The following DTNA variants were observed in gnomAD, a reference collection of about 807,000 sequenced individuals.
The protein encoded by DTNA is dystrobrevin alpha, also known as dystrophin-related protein 3.
In DTNA, 43 loss-of-function variants were observed where a neutral mutation model predicts 100.7. The ratio of observed to expected loss-of-function variants is 0.43; its 90% confidence interval spans 0.33 to 0.55. The LOEUF (loss-of-function observed/expected upper bound fraction) is 0.55. Ranked by LOEUF, DTNA falls within the 20% of genes least tolerant of loss-of-function variation. DTNA has a pLI of 0.04. For synonymous variants in DTNA, 349 were observed against 347.9 expected (o/e 1.00, Z -0.04); for missense variants, 798 against 953.9 (o/e 0.84, Z 2.15).
chr18:34,556,771 T>C (rs2046104324), intron 1 of DTNA, among the ~76,000 whole-genome samples: 1 of 151,906 alleles, frequency 6.6e-6, no homozygotes, highest in Non-Finnish European at 1.5e-5. Flanking sequence ...CCTTTGAGGG[T>C]AACCCAACCT....
chr18:34,849,026 A>G (rs543273001), intron 14 of DTNA, among the ~76,000 whole-genome samples: 78 of 152,322 alleles, frequency 5.1e-4, no homozygotes, highest in Admixed American at 1.4e-3. Flanking sequence ...TGGGAGCTGC[A>G]TAATGACCGA....
At chr18:34,519,229 C>T (rs1241006164) in intron 1 of DTNA, among the ~76,000 whole-genome samples, 1 of 152,088 alleles carries the variant, frequency 6.6e-6, no homozygotes, top group Non-Finnish European at 1.5e-5. Context: ...GAAGCTAAAG[C>T]TTGTGGGAGA....
chr18:34,678,364 C>T (rs182455269), intron 1 of DTNA, among the ~76,000 whole-genome samples: 15 of 152,166 alleles, frequency 9.9e-5, no homozygotes, highest in African/African-American at 3.6e-4. Context: ...TTTAGATAAC[C>T]TGGGTTGGGA....
At chr18:34,713,143 G>C (rs927173054) in intron 1 of DTNA, among the ~76,000 whole-genome samples, 123 of 152,012 alleles carry the variant, frequency 8.1e-4, no homozygotes, top group African/African-American at 2.7e-3. Context: ...GAAAGTAATG[G>C]TACCATGATC....
chr18:34,879,893 AT>A (rs2096855385), intron 20 of DTNA, among the ~76,000 whole-genome samples, 174 bp downstream of exon 20: 1 of 152,132 alleles, frequency 6.6e-6, no homozygotes, highest in Non-Finnish European at 1.5e-5. Flanking sequence ...GCATTGTAAT[AT>A]TTCCCCTCTT....
rs71166022 is a variant in DTNA at position 34,722,606 on chromosome 18, TACACACAC to T, written c.-2+12179_-2+12186del. ...ATAGGTTTTGACATATATATATACATACACACACACACACACACACACACATATCCTAA... is the reference window on the plus strand; with the variant it reads ...ATAGGTTTTGACATATATATATACATACACACACACACACACATATCCTAA... On this transcript the variant is annotated intron_variant, in intron 1 of 22. Transcript: ENST00000444659. Among the ~76,000 whole-genome samples, 966 of 147,218 alleles carry T rather than the reference TACACACAC, an allele frequency of 6.6e-3. 5 individuals carry two copies. The highest frequency in any genetic ancestry group is 0.028 in the Middle Eastern group (8 of 286).
rs1374272523 is a variant in DTNA at position 34,890,207 on chromosome 18, G to A, written c.*2473G>A. 2.1e-6 allele frequency: 3 copies of A among 1,460,098 alleles called. No homozygotes were observed. The African/African-American group carries it at 4.3e-5, about 21-fold the overall frequency. 90.4% of individuals were successfully genotyped at this position (1,460,098 alleles called of 1,614,324 possible). On this transcript the variant is annotated 3_prime_UTR_variant, in exon 23 of 23. Coordinates refer to ENST00000444659, the MANE Select transcript of DTNA (RefSeq NM_001386795.1). ...TGCCAACCAACTCCATCACATGGTT[G>A]TTGATATCGTCATATAAAGCCATTG...
intron 17 of DTNA, chr18:34,866,595 A>C: frequency 9.9e-7 from 1 of 1,011,980 alleles, no homozygotes; most frequent in South Asian, 4.0e-5. Flanking sequence ...CATTTTACTG[A>C]AAACCTGTGA....
rs374488566 is a variant in DTNA, at chr18:34,801,784, C to T, written c.363-4435C>T. Among the ~76,000 whole-genome samples, 8 of 152,276 alleles carry T rather than the reference C, an allele frequency of 5.3e-5. No homozygotes were observed. The East Asian group carries it at 1.2e-3, about 22-fold the overall frequency. ...TCAGTCTCCCAAAGTGCTGGAATTA[C>T]AGGCGTGAGCCATCACCCCTGGCCA... On this transcript the variant is annotated intron_variant, in intron 4 of 22. Coordinates refer to ENST00000444659, the MANE Select transcript of DTNA (RefSeq NM_001386795.1).
intron 1 of DTNA, among the ~76,000 whole-genome samples, chr18:34,624,665 A>C (rs2057055930): frequency 6.6e-6 from 1 of 152,250 alleles, no homozygotes; most frequent in South Asian, 2.1e-4. Flanking sequence ...AGTGCTGTTA[A>C]ATTCTTTTTA....
At chr18:34,781,646 A>T (rs1181498949) in intron 3 of DTNA, among the ~76,000 whole-genome samples, 1 of 152,098 alleles carries the variant, frequency 6.6e-6, no homozygotes, top group Non-Finnish European at 1.5e-5. Flanking sequence ...CTATTTCCCA[A>T]GCAATTTTCT....
intron 1 of DTNA, among the ~76,000 whole-genome samples, chr18:34,656,950 C>T (rs1008504146): frequency 2.0e-5 from 3 of 152,102 alleles, no homozygotes; most frequent in African/African-American, 7.2e-5. Context: ...GATCTCGGCT[C>T]ACTGCAACCT....
chr18:34,887,643 G>A, intron 22 of DTNA, 123 bp from the exon 23 acceptor site: 1 of 482,338 alleles, frequency 2.1e-6, no homozygotes, highest in Non-Finnish European at 2.7e-6. Context: ...GTGTGTGCAT[G>A]TGTGTGTGTG....
intron 1 of DTNA, among the ~76,000 whole-genome samples, chr18:34,542,210 C>A (rs898220856): frequency 1.3e-5 from 2 of 151,984 alleles, no homozygotes; most frequent in Non-Finnish European, 2.9e-5. Flanking sequence ...TAAGTGTCTA[C>A]TAAATTTAGA....
At chr18:34,579,410 T>G (rs1362330626) in intron 1 of DTNA, among the ~76,000 whole-genome samples, 1 of 152,224 alleles carries the variant, frequency 6.6e-6, no homozygotes, top group Non-Finnish European at 1.5e-5. Flanking sequence ...TTTTCAGTTC[T>G]CCTTGTAGAT....
chr18:34,511,923 G>A (rs1412302162), intron 1 of DTNA, among the ~76,000 whole-genome samples: 2 of 152,002 alleles, frequency 1.3e-5, no homozygotes, highest in Non-Finnish European at 2.9e-5. Flanking sequence ...AAATTGGCTT[G>A]AGCTTCCACT....
At chr18:34,645,554 T>C (rs1309890604) in intron 1 of DTNA, among the ~76,000 whole-genome samples, 1 of 151,994 alleles carries the variant, frequency 6.6e-6, no homozygotes, top group Non-Finnish European at 1.5e-5. Context: ...TATGTATAAA[T>C]CCATATAGAA....
chr18:34,820,104 G>A lies in DTNA; in HGVS notation c.877-687G>A, dbSNP rs559249827. ...GGATAAATTTCCCAACAATCTAAACGAAGAAGAGGCAGCGTGATTCTCTGG... is the reference window on the plus strand; with the variant it reads ...GGATAAATTTCCCAACAATCTAAACAAAGAAGAGGCAGCGTGATTCTCTGG... On this transcript the variant is annotated intron_variant, in intron 8 of 22. Coordinates refer to ENST00000444659, the MANE Select transcript of DTNA (RefSeq NM_001386795.1). Among the ~76,000 whole-genome samples, 7 of 151,642 alleles carry A rather than the reference G, an allele frequency of 4.6e-5. No individual in the cohort carries two copies. The East Asian group carries it at 7.8e-4, about 17-fold the overall frequency.
At chr18:34,664,359 A>C (rs1258270738) in intron 1 of DTNA, among the ~76,000 whole-genome samples, 2 of 152,212 alleles carry the variant, frequency 1.3e-5, no homozygotes, top group East Asian at 3.8e-4. Flanking sequence ...TAATGGGTTT[A>C]TCATTGTCAC....
Sources: allele counts gnomAD v4.1 joint callset (sites outside exome capture counted in the v4.1 genomes callset), GRCh38; gene constraint gnomAD v4.1.1; transcripts MANE v1.5; gene names NCBI Gene and HGNC (gene_info 2026-07-23, HGNC 2026-07-21).